The following BPIFC variants were observed in gnomAD, a reference collection of about 807,000 sequenced individuals.
BPIFC encodes the protein BPI fold containing family C, also known as BPI fold-containing family C protein.
A neutral mutation model predicts 57.6 loss-of-function variants in BPIFC; 60 were observed. The ratio of observed to expected loss-of-function variants is 1.04; its 90% CI spans 0.85 to 1.29. The LOEUF (loss-of-function observed/expected upper bound fraction) is 1.29. Among genes scored for constraint, BPIFC ranks in the 50% most tolerant of loss-of-function variants. The pLI is 0.00. For missense variants in BPIFC, 581 were observed against 600.5 expected (o/e 0.97, Z 0.34); for synonymous variants, 243 against 224.5 (o/e 1.08, Z -0.74).
chr22:32,435,462 A>T (rs2145934066), intron 10 of BPIFC, among the ~76,000 whole-genome samples: 1 of 152,316 alleles, frequency 6.6e-6, no homozygotes, highest in East Asian at 1.9e-4. Context: ...TAATGCAAAT[A>T]TCCCAAAATC....
chr22:32,426,355 A>G (rs760217090), intron 13 of BPIFC, among the ~76,000 whole-genome samples: 4 of 152,126 alleles, frequency 2.6e-5, no homozygotes, highest in Non-Finnish European at 5.9e-5. Context: ...GGCAGCCTGC[A>G]TGGGAGGCAG....
chr22:32,444,464 G>A (rs1301833367), intron 7 of BPIFC, among the ~76,000 whole-genome samples: 1 of 152,096 alleles, frequency 6.6e-6, no homozygotes, highest in East Asian at 1.9e-4. Flanking sequence ...CCCTGTCTTT[G>A]TCCCTTCTTT....
At chr22:32,422,504 C>T (rs533755583) in intron 13 of BPIFC, among the ~76,000 whole-genome samples, 2 of 152,098 alleles carry the variant, frequency 1.3e-5, no homozygotes, top group South Asian at 2.1e-4. Context: ...GTCAGGAGTT[C>T]GAGACCAGCC....
At position 32,414,417 on chromosome 22, in the gene BPIFC, A is replaced by T. The variant is rs748562027; in HGVS notation, c.1410T>A (p.Leu470=). The change falls in exon 17 of 17, where the codon CTT becomes CTA. Residue 470 remains leucine, a synonymous_variant. Coordinates refer to ENST00000300399, the MANE Select transcript of BPIFC (RefSeq NM_174932.3). ...NSDIEVLEGF[L]LISTDLKYET... The stretch of plus-strand genomic sequence containing the variant: ...CATACTTCAGGTCGGTGGAAATCAA[A>T]AGGAAACCCTGGAAAGGATGTGACA... 6.2e-7 allele frequency: 1 copy of T among 1,613,604 alleles called. No homozygotes were observed. The highest frequency in any genetic ancestry group is 8.5e-7 in the Non-Finnish European group (1 of 1,179,666).
rs370558731 is a variant in BPIFC, at chr22:32,461,674, A to G, written c.-88-13T>C. On this transcript the variant is annotated splice_polypyrimidine_tract_variant and intron_variant, in intron 1 of 16. Coordinates refer to ENST00000300399, the MANE Select transcript of BPIFC (RefSeq NM_174932.3). ...TAGTCAAGGTGTCCTGGAAAGGGGG[A>G]TAAGTAGAGATGAACTATGGGAGTG... The G allele has an allele frequency of 8.0e-5, 79 of 983,102 alleles. No individual in the cohort carries two copies. The East Asian group carries it at 3.4e-3, about 42-fold the overall frequency. 60.9% of individuals were successfully genotyped at this position (983,102 alleles called of 1,614,324 possible). A position where few individuals can be genotyped will look rare whatever the true frequency, so the allele number is the denominator to read the frequency against.
intron 16 of BPIFC, 25 bp from the exon 17 acceptor site, chr22:32,414,450 T>C (rs1933611600): frequency 6.2e-7 from 1 of 1,610,782 alleles, no homozygotes. Context: ...ACAATGAAGA[T>C]AACGTCAAAA....
intron 8 of BPIFC, 50 bp from the exon 9 acceptor site, chr22:32,437,901 G>C: frequency 9.3e-7 from 1 of 1,070,684 alleles, no homozygotes; most frequent in South Asian, 1.3e-5. Flanking sequence ...TAAAGGCATA[G>C]TATAATATAT....
intron 14 of BPIFC, 81 bp downstream of exon 14, chr22:32,419,281 A>G: frequency 7.0e-7 from 1 of 1,430,452 alleles, no homozygotes; most frequent in Non-Finnish European, 9.6e-7. Context: ...AGTCACAGAA[A>G]ACAATTAATT....
intron 13 of BPIFC, among the ~76,000 whole-genome samples, chr22:32,430,562 AAT>A (rs1934210976): frequency 6.9e-6 from 1 of 143,988 alleles, no homozygotes; most frequent in African/African-American, 2.7e-5. Context: ...TAAATATAAA[AAT>A]ATATTTATTA....
At chr22:32,451,440 A>G (rs1223061319) in intron 4 of BPIFC, among the ~76,000 whole-genome samples, 2 of 152,214 alleles carry the variant, frequency 1.3e-5, no homozygotes, top group Non-Finnish European at 2.9e-5. Context: ...ATCCCTGGCA[A>G]GGACAAAAAA....
intron 16 of BPIFC, 43 bp downstream of exon 16, chr22:32,415,872 A>C: frequency 7.2e-7 from 1 of 1,396,336 alleles, no homozygotes; most frequent in Non-Finnish European, 9.7e-7. Flanking sequence ...AGTCTACTAT[A>C]AAAAGAAATG....
intron 6 of BPIFC, 48 bp downstream of exon 6, chr22:32,445,793 G>C: frequency 6.2e-7 from 1 of 1,602,940 alleles, no homozygotes; most frequent in South Asian, 1.1e-5. Flanking sequence ...CGATGCCTGA[G>C]TATCCAGCCC....
intron 4 of BPIFC, among the ~76,000 whole-genome samples, chr22:32,447,963 CA>C (rs924187612): frequency 1.4e-4 from 21 of 151,136 alleles, no homozygotes; most frequent in African/African-American, 3.6e-4. Context: ...TATTTAAAGA[CA>C]AAAAAAAGGC....
intron 1 of BPIFC, among the ~76,000 whole-genome samples, chr22:32,462,477 G>GA (rs1041448213): frequency 8.5e-5 from 13 of 152,162 alleles, no homozygotes; most frequent in Non-Finnish European, 1.5e-4. Flanking sequence ...TTTCTATAGT[G>GA]AAAAAAACAT....
chr22:32,428,275 G>A (rs923437611), intron 13 of BPIFC, among the ~76,000 whole-genome samples: 7 of 138,518 alleles, frequency 5.1e-5, no homozygotes, highest in East Asian at 2.5e-4. Context: ...GTGTGCGCGC[G>A]CGTGTGTGTG....
At chr22:32,428,891 T>G (rs1326597091) in intron 13 of BPIFC, among the ~76,000 whole-genome samples, 1 of 149,494 alleles carries the variant, frequency 6.7e-6, no homozygotes, top group Non-Finnish European at 1.5e-5. Flanking sequence ...AGAGTAACAC[T>G]CCATCTCAAA....
intron 3 of BPIFC, among the ~76,000 whole-genome samples, chr22:32,454,209 C>T (rs1439394009): frequency 6.6e-6 from 1 of 152,156 alleles, no homozygotes; most frequent in East Asian, 1.9e-4. Context: ...GTGCTATGGA[C>T]AGTTCCAGAA....
intron 1 of BPIFC, among the ~76,000 whole-genome samples, chr22:32,461,895 C>T (rs560363474): frequency 2.6e-5 from 4 of 152,138 alleles, no homozygotes; most frequent in East Asian, 1.9e-4. Flanking sequence ...AAAAATAGGC[C>T]GGGCGTGGTG....
intron 4 of BPIFC, 114 bp from the exon 5 acceptor site, chr22:32,447,454 A>C: frequency 1.6e-6 from 2 of 1,267,234 alleles, no homozygotes. Context: ...GTGAACTCCT[A>C]CAGAGAAAAG....
Sources: gnomAD v4.1 joint callset for allele counts (sites outside exome capture counted in the v4.1 genomes callset) on GRCh38, gnomAD v4.1.1 for gene constraint, MANE v1.5 for transcripts, NCBI Gene and HGNC (gene_info 2026-07-23, HGNC 2026-07-21) for gene names.